EBF2: variants seen among roughly 807,000 people sequenced by gnomAD.
EBF2 encodes the protein EBF transcription factor 2.
Under a neutral mutation model 72.8 loss-of-function variants are expected in EBF2, and 21 were observed. The ratio of observed to expected loss-of-function variants is 0.29; its 90% CI spans 0.20 to 0.42. EBF2 has a LOEUF of 0.42. Ranked by LOEUF, EBF2 falls within the 10% of genes least tolerant of loss-of-function variation. The pLI is 1.00. For synonymous variants in EBF2, 299 were observed against 274.2 expected (o/e 1.09, Z -0.89); for missense variants, 637 against 731.2 (o/e 0.87, Z 1.49).
intron 13 of EBF2, among the ~76,000 whole-genome samples, chr8:25,860,387 C>T (rs1802190983): frequency 6.6e-6 from 1 of 152,038 alleles, no homozygotes; most frequent in Non-Finnish European, 1.5e-5. Context: ...AGTATTCAAT[C>T]TGATAATCAC....
At chr8:25,919,577 C>G (rs78934050) in intron 6 of EBF2, among the ~76,000 whole-genome samples, 1,916 of 152,142 alleles carry the variant, frequency 0.013, 48 homozygotes, top group African/African-American at 0.044. Flanking sequence ...AACCATTTTC[C>G]CAGGCTCATT....
At chr8:25,887,114 T>G (rs1157123415) in intron 9 of EBF2, among the ~76,000 whole-genome samples, 1 of 101,516 alleles carries the variant, frequency 9.9e-6, no homozygotes, top group Non-Finnish European at 2.5e-5. Flanking sequence ...TGTGTATGTC[T>G]CTGTCTCTCT....
chr8:26,033,229 A>G (rs1554483950), intron 5 of EBF2, 76 bp from the exon 6 acceptor site: 4 of 1,434,082 alleles, frequency 2.8e-6, no homozygotes, highest in Non-Finnish European at 9.8e-7. Flanking sequence ...TGACAAGAAC[A>G]TTTTTTCCCC....
chr8:25,876,663 C>G (rs898316634), intron 10 of EBF2, among the ~76,000 whole-genome samples: 12 of 152,106 alleles, frequency 7.9e-5, no homozygotes, highest in African/African-American at 2.9e-4. Context: ...AACAGATGGC[C>G]TTGGTATCGT....
intron 6 of EBF2, among the ~76,000 whole-genome samples, chr8:25,976,186 C>A (rs1180864917): frequency 6.6e-6 from 1 of 152,136 alleles, no homozygotes. Context: ...ATTAAAATGT[C>A]TTCATCGCTT....
intron 6 of EBF2, among the ~76,000 whole-genome samples, chr8:25,912,466 G>GCAGACACACA (rs1803144123): frequency 7.3e-6 from 1 of 136,856 alleles, no homozygotes; most frequent in South Asian, 2.5e-4. Context: ...TCTAAAAATG[G>GCAGACACACA]CACACACACA....
intron 6 of EBF2, among the ~76,000 whole-genome samples, chr8:26,014,365 G>T (rs11775594): frequency 0.27 from 40,499 of 151,860 alleles, 5,675 homozygotes; most frequent in East Asian, 0.34. Context: ...ATTATTAGTA[G>T]TAGTATTAGT....
chr8:25,968,361 A>G (rs1317881752), intron 6 of EBF2, among the ~76,000 whole-genome samples: 1 of 152,232 alleles, frequency 6.6e-6, no homozygotes, highest in Non-Finnish European at 1.5e-5. Flanking sequence ...CTTAAAAATG[A>G]AGGAAATTCT....
chr8:25,983,468 CA>C (rs1441233845), intron 6 of EBF2, among the ~76,000 whole-genome samples: 2 of 152,144 alleles, frequency 1.3e-5, no homozygotes, highest in Non-Finnish European at 2.9e-5. Flanking sequence ...AAACCTTAAA[CA>C]GAAGTTCTCT....
intron 7 of EBF2, among the ~76,000 whole-genome samples, chr8:25,908,260 T>C (rs1352926589): frequency 2.6e-5 from 4 of 152,274 alleles, no homozygotes; most frequent in African/African-American, 9.6e-5. Context: ...CCTCTCCCCA[T>C]AGGGCTTTGG....
chr8:25,893,713 C>T (rs1309122190), intron 7 of EBF2, among the ~76,000 whole-genome samples: 1 of 152,116 alleles, frequency 6.6e-6, no homozygotes, highest in African/African-American at 2.4e-5. Context: ...GTCATACTGT[C>T]CATTAATACT....
intron 6 of EBF2, among the ~76,000 whole-genome samples, chr8:25,994,414 C>T (rs938704687): frequency 6.6e-6 from 1 of 152,082 alleles, no homozygotes; most frequent in Non-Finnish European, 1.5e-5. Context: ...GCTAAAAAAA[C>T]TTCTTGAAAA....
At chr8:25,977,618 A>G (rs1190105845) in intron 6 of EBF2, among the ~76,000 whole-genome samples, 1 of 152,212 alleles carries the variant, frequency 6.6e-6, no homozygotes, top group Non-Finnish European at 1.5e-5. Flanking sequence ...CCTTCTTCAA[A>G]CAAGCTAGTT....
At chr8:25,983,756 G>T (rs558980666) in intron 6 of EBF2, among the ~76,000 whole-genome samples, 8 of 152,326 alleles carry the variant, frequency 5.3e-5, no homozygotes, top group Admixed American at 2.0e-4. Context: ...AACTCGCTGG[G>T]TGTGCCCACC....
At chr8:26,041,154 G>C (rs1371499439) in intron 2 of EBF2, 152 bp from the exon 3 acceptor site, 1 of 829,942 alleles carries the variant, frequency 1.2e-6, no homozygotes. Context: ...AAGGGCATGA[G>C]CATCTGCCTG....
At chr8:25,979,503 A>T (rs1804324995) in intron 6 of EBF2, among the ~76,000 whole-genome samples, 1 of 152,244 alleles carries the variant, frequency 6.6e-6, no homozygotes, top group Non-Finnish European at 1.5e-5. Flanking sequence ...TGAAGGGCAG[A>T]TACTCTGAAA....
intron 10 of EBF2, among the ~76,000 whole-genome samples, chr8:25,872,079 G>T (rs2117274351): frequency 6.6e-6 from 1 of 152,200 alleles, no homozygotes; most frequent in African/African-American, 2.4e-5. Flanking sequence ...AGCAGATAAT[G>T]CTTACCCCAT....
intron 10 of EBF2, among the ~76,000 whole-genome samples, chr8:25,879,002 T>A (rs1563386278): frequency 1.3e-5 from 2 of 152,148 alleles, no homozygotes; most frequent in African/African-American, 4.8e-5. Context: ...CTTTAAATTT[T>A]AAATTTTAAA....
At chr8:25,846,547 A>G (rs2117242253) in intron 15 of EBF2, among the ~76,000 whole-genome samples, 1 of 152,212 alleles carries the variant, frequency 6.6e-6, no homozygotes, top group Non-Finnish European at 1.5e-5. Context: ...ACAGCCCAGC[A>G]TGGTGGTACA....
Sources: gnomAD v4.1 joint callset for allele counts (sites outside exome capture counted in the v4.1 genomes callset) on GRCh38, gnomAD v4.1.1 for gene constraint, MANE v1.5 for transcripts, NCBI Gene and HGNC (gene_info 2026-07-23, HGNC 2026-07-21) for gene names.